Variants in MACROH2A1 observed in about 807,000 individuals in gnomAD.
MACROH2A1 encodes macroH2A.1 histone.
In MACROH2A1, 2 loss-of-function variants were observed where a neutral mutation model predicts 31.6. That is an observed-to-expected ratio of 0.06 (90% CI 0.03 to 0.20). MACROH2A1 has a LOEUF of 0.20. Ranked by LOEUF, MACROH2A1 falls within the 10% of genes least tolerant of loss-of-function variation. The probability of loss-of-function intolerance (pLI) is 1.00; values close to 1 mark genes in which losing one functional copy is unlikely to be tolerated. For synonymous variants in MACROH2A1, 169 were observed against 189.6 expected, an observed-to-expected ratio of 0.89 and a Z score of 0.89; for missense variants, 230 against 474.0, an observed-to-expected ratio of 0.49 and a Z score of 4.78.
intron 4 of MACROH2A1, among the ~76,000 whole-genome samples, chr5:135,364,273 G>C (rs1763216747): frequency 6.6e-6 from 1 of 151,902 alleles, no homozygotes; most frequent in African/African-American, 2.4e-5. Context: ...ATAGCATTAG[G>C]AGAAATACCT....
rs900696214 is a variant in MACROH2A1 at position 135,362,888 on chromosome 5, G to A, written c.478-2281C>T. ...GTGTTACATTAAGATGAAAGTTTGT[G>A]GGGCAAGCAAAAGAGAAATAAGGAG... On this transcript the variant is annotated intron_variant, in intron 4 of 8. Coordinates refer to ENST00000511689, the MANE Select transcript of MACROH2A1 (RefSeq NM_138610.3). 2.6e-5 allele frequency: 4 copies of A among 152,274 alleles called. No individual in the cohort carries two copies. In the East Asian group the frequency reaches 5.8e-4, roughly 22 times the overall value. 9.4% of individuals were successfully genotyped at this position (152,274 alleles called of 1,614,324 possible).
intron 7 of MACROH2A1, chr5:135,343,662 G>A: frequency 1.7e-6 from 1 of 604,438 alleles, no homozygotes; most frequent in Non-Finnish European, 2.8e-6. Flanking sequence ...CAGGAATTTT[G>A]ACCAAGTTCG....
chr5:135,388,824 C>G (rs1448371161), intron 2 of MACROH2A1, 98 bp downstream of exon 2: 1 of 1,000,528 alleles, frequency 1.0e-6, no homozygotes, highest in Non-Finnish European at 1.5e-6. Context: ...TAGGTTTGAG[C>G]TGTTTCAAAA....
chr5:135,393,378 A>G (rs1767522573), intron 1 of MACROH2A1, among the ~76,000 whole-genome samples: 1 of 152,254 alleles, frequency 6.6e-6, no homozygotes, highest in Admixed American at 6.5e-5. Context: ...CTATTTACTC[A>G]GAAGAAAAGA....
intron 1 of MACROH2A1, among the ~76,000 whole-genome samples, chr5:135,394,528 G>C (rs776697278): frequency 1.7e-3 from 259 of 152,268 alleles, no homozygotes; most frequent in Non-Finnish European, 3.1e-3. Flanking sequence ...TGCAGACCCA[G>C]GGCCCAGCTA....
At chr5:135,338,429 G>A (rs542652027) in intron 8 of MACROH2A1, among the ~76,000 whole-genome samples, 254 of 152,344 alleles carry the variant, frequency 1.7e-3, no homozygotes, top group Non-Finnish European at 2.8e-3. Flanking sequence ...AAAGTAGGTG[G>A]CTTTGAAGGG....
intron 5 of MACROH2A1, chr5:135,357,821 T>C (rs1762359040): frequency 1.0e-6 from 1 of 984,156 alleles, no homozygotes; most frequent in Non-Finnish European, 1.2e-6. Flanking sequence ...TCCTGAGACT[T>C]CAGTATGTGA....
chr5:135,338,112 A>T (rs1017181740), intron 8 of MACROH2A1: 2 of 546,494 alleles, frequency 3.7e-6, no homozygotes, highest in Admixed American at 1.0e-4. Context: ...ATGCCCTGCA[A>T]GAGCACTCCA....
intron 2 of MACROH2A1, among the ~76,000 whole-genome samples, chr5:135,377,974 A>G (rs10071244): frequency 0.19 from 28,281 of 152,172 alleles, 5,733 homozygotes; most frequent in African/African-American, 0.51. Context: ...ATAGCTCCTG[A>G]GGTCTTTACC....
chr5:135,370,763 T>C (rs1317106487), intron 2 of MACROH2A1, among the ~76,000 whole-genome samples: 1 of 152,200 alleles, frequency 6.6e-6, no homozygotes, highest in Non-Finnish European at 1.5e-5. Context: ...AAGCCAAATA[T>C]AATGTGTCAC....
At chr5:135,376,184 G>C (rs1293918865) in intron 2 of MACROH2A1, among the ~76,000 whole-genome samples, 1 of 152,142 alleles carries the variant, frequency 6.6e-6, no homozygotes, top group Non-Finnish European at 1.5e-5. Flanking sequence ...GTATTCCAAA[G>C]ATGGTTCCAA....
At chr5:135,377,381 A>C (rs1314454057) in intron 2 of MACROH2A1, among the ~76,000 whole-genome samples, 1 of 152,282 alleles carries the variant, frequency 6.6e-6, no homozygotes, top group Non-Finnish European at 1.5e-5. Flanking sequence ...TTCTTAATTC[A>C]TCTCAGGAAG....
chr5:135,389,506 C>T (rs1292598459), intron 1 of MACROH2A1, among the ~76,000 whole-genome samples: 1 of 152,174 alleles, frequency 6.6e-6, no homozygotes, highest in East Asian at 1.9e-4. Flanking sequence ...ATGACACCCT[C>T]CCCTAAAAAG....
intron 5 of MACROH2A1, chr5:135,359,993 G>T: frequency 1.4e-6 from 1 of 704,082 alleles, no homozygotes; most frequent in Non-Finnish European, 1.7e-6. Flanking sequence ...AGCTGGAAGA[G>T]TCATCTGGTG....
intron 4 of MACROH2A1, among the ~76,000 whole-genome samples, chr5:135,366,484 T>C (rs1372722391): frequency 6.6e-6 from 1 of 151,880 alleles, no homozygotes; most frequent in Non-Finnish European, 1.5e-5. Flanking sequence ...TTCTGCAACC[T>C]GCCAAGATCA....
At chr5:135,394,901 G>C (rs1767756500) in intron 1 of MACROH2A1, among the ~76,000 whole-genome samples, 1 of 152,212 alleles carries the variant, frequency 6.6e-6, no homozygotes, top group Non-Finnish European at 1.5e-5. Flanking sequence ...AGAAAGGAGA[G>C]GGCAGCATTT....
At chr5:135,368,479 G>C (rs948874558) in intron 4 of MACROH2A1, among the ~76,000 whole-genome samples, 6 of 152,240 alleles carry the variant, frequency 3.9e-5, no homozygotes, top group Non-Finnish European at 8.8e-5. Flanking sequence ...GCAAAATACA[G>C]AGGTCACCTT....
At chr5:135,387,177 T>C (rs895167883) in intron 2 of MACROH2A1, among the ~76,000 whole-genome samples, 13 of 152,204 alleles carry the variant, frequency 8.5e-5, no homozygotes, top group African/African-American at 2.7e-4. Context: ...ATGCTATACA[T>C]AGCTTTCCTG....
chr5:135,343,185 A>C (rs1561575870), intron 8 of MACROH2A1, 75 bp downstream of exon 8: 1 of 1,604,450 alleles, frequency 6.2e-7, no homozygotes, highest in African/African-American at 1.3e-5. Flanking sequence ...ACAGAGTGAG[A>C]GCACCACAAT....
Sources: allele counts gnomAD v4.1 joint callset (sites outside exome capture counted in the v4.1 genomes callset), GRCh38; gene constraint gnomAD v4.1.1; transcripts MANE v1.5; gene names NCBI Gene and HGNC (gene_info 2026-07-23, HGNC 2026-07-21).